LMX1A: variants seen among roughly 807,000 people sequenced by gnomAD.
The protein encoded by LMX1A is LIM homeobox transcription factor 1-alpha.
A neutral mutation model predicts 49.1 loss-of-function variants in LMX1A; 15 were observed. The ratio of observed to expected loss-of-function variants is 0.31; its 90% CI spans 0.20 to 0.47. The LOEUF is 0.47. Ranked by LOEUF, LMX1A falls within the 20% of genes least tolerant of loss-of-function variation. The pLI is 1.00. For synonymous variants in LMX1A, 167 were observed against 185.7 expected, an observed-to-expected ratio of 0.90 and a Z score of 0.82; for missense variants, 372 against 475.8, an observed-to-expected ratio of 0.78 and a Z score of 2.03.
At chr1:165,308,709 C>T (rs1654989172) in intron 3 of LMX1A, among the ~76,000 whole-genome samples, 1 of 152,172 alleles carries the variant, frequency 6.6e-6, no homozygotes, top group South Asian at 2.1e-4. Context: ...TGGCTTTTTA[C>T]TCCCTTGCAT....
At chr1:165,205,360 G>T (rs1651033444) in intron 8 of LMX1A, among the ~76,000 whole-genome samples, 2 of 152,184 alleles carry the variant, frequency 1.3e-5, no homozygotes, top group African/African-American at 4.8e-5. Context: ...GCTTCTTTGG[G>T]TGGGGTGGGT....
intron 8 of LMX1A, among the ~76,000 whole-genome samples, chr1:165,204,938 C>T (rs1449504234): frequency 6.6e-6 from 1 of 151,966 alleles, no homozygotes; most frequent in African/African-American, 2.4e-5. Context: ...AGGGCCAAAT[C>T]TTAATAAATG....
rs1653622259 is a variant in LMX1A, at chr1:165,266,520, T to C, written c.264-16880A>G. 2.6e-5 allele frequency among the ~76,000 whole-genome samples: 4 copies of C among 151,498 alleles called. 1 individual carries two copies. In the South Asian group the frequency reaches 8.3e-4, roughly 32 times the overall value. On this transcript the variant is annotated intron_variant, in intron 3 of 8. Coordinates refer to ENST00000342310, the MANE Select transcript of LMX1A (RefSeq NM_177398.4). ...TCACAGGGAGGAGTTCAACTTTTCC[T>C]CTGGAAACCAGGGGAGGGCATTTTG...
chr1:165,221,943 A>G (rs1651866451), intron 4 of LMX1A, among the ~76,000 whole-genome samples: 2 of 137,466 alleles, frequency 1.5e-5, no homozygotes, highest in Non-Finnish European at 3.2e-5. Context: ...ACACACACAC[A>G]CGCACACGCA....
At chr1:165,343,480 G>C (rs1656145551) in intron 3 of LMX1A, among the ~76,000 whole-genome samples, 1 of 151,912 alleles carries the variant, frequency 6.6e-6, no homozygotes, top group South Asian at 2.1e-4. Context: ...AGGCCTTTCA[G>C]GTTAATTATC....
chr1:165,214,822 TCTAA>T (rs1417191229), intron 4 of LMX1A, among the ~76,000 whole-genome samples: 15 of 152,352 alleles, frequency 9.8e-5, no homozygotes, highest in Non-Finnish European at 1.9e-4. Flanking sequence ...AAAGTAATTG[TCTAA>T]CTATTTGAAA....
intron 4 of LMX1A, among the ~76,000 whole-genome samples, chr1:165,233,862 T>C (rs914471969): frequency 6.6e-5 from 10 of 152,318 alleles, no homozygotes; most frequent in African/African-American, 1.7e-4. Context: ...TCACGAAGTA[T>C]TGAAGGCATA....
chr1:165,277,063 G>A (rs1386254694), intron 3 of LMX1A, among the ~76,000 whole-genome samples: 1 of 152,254 alleles, frequency 6.6e-6, no homozygotes, highest in East Asian at 1.9e-4. Flanking sequence ...GAAGCTACAT[G>A]CAGGGTGCAA....
chr1:165,315,327 C>T (rs536958389), intron 3 of LMX1A, among the ~76,000 whole-genome samples: 15 of 152,308 alleles, frequency 9.8e-5, no homozygotes, highest in South Asian at 4.1e-4. Flanking sequence ...TCCACACTAA[C>T]GAAAGAATAT....
chr1:165,353,287 G>A (rs1170202553), intron 2 of LMX1A, 25 bp from the exon 3 acceptor site: 2 of 1,600,470 alleles, frequency 1.2e-6, no homozygotes, highest in East Asian at 2.2e-5. Context: ...GACGTTGGCG[G>A]GTGAGCAGCC....
At chr1:165,233,616 C>T (rs544976984) in intron 4 of LMX1A, among the ~76,000 whole-genome samples, 32 of 152,318 alleles carry the variant, frequency 2.1e-4, no homozygotes, top group African/African-American at 7.5e-4. Flanking sequence ...TCAGCATGCC[C>T]CACCCGAATT....
In LMX1A at chr1:165,355,012, C is replaced by G. The variant is rs2101777333; in HGVS notation, c.76+472G>C. 6.6e-6 allele frequency among the ~76,000 whole-genome samples: 1 copy of G among 152,142 alleles called. No homozygotes were observed. The highest frequency in any genetic ancestry group is 2.4e-5 in the African/African-American group (1 of 41,538). On this transcript the variant is annotated intron_variant, in intron 2 of 8. Coordinates refer to ENST00000342310, the MANE Select transcript of LMX1A (RefSeq NM_177398.4). The surrounding 1 kb of genome is among the most constrained non-coding windows in gnomAD (Gnocchi z 4.7). ...TCCCCGCGCTGCGTTGCCTACTGGCCCAGAAAAGTCTCTCTCGGCCTTGCC... is the reference window on the plus strand; with the variant it reads ...TCCCCGCGCTGCGTTGCCTACTGGCGCAGAAAAGTCTCTCTCGGCCTTGCC...
chr1:165,287,763 T>TA (rs951028157), intron 3 of LMX1A, among the ~76,000 whole-genome samples: 231 of 151,382 alleles, frequency 1.5e-3, no homozygotes, highest in African/African-American at 5.0e-3. Context: ...TTGGCTTTGC[T>TA]AAAAAAAAAT....
intron 3 of LMX1A, among the ~76,000 whole-genome samples, chr1:165,295,251 T>C (rs1654581488): frequency 6.6e-6 from 1 of 150,856 alleles, no homozygotes; most frequent in Non-Finnish European, 1.5e-5. Context: ...CACTAAAATA[T>C]ATAGGCAGAA....
chr1:165,206,131 T>A (rs993516870), intron 7 of LMX1A, 97 bp from the exon 8 acceptor site: 1 of 1,186,290 alleles, frequency 8.4e-7, no homozygotes, highest in Non-Finnish European at 1.2e-6. Context: ...TAAAATGGGA[T>A]GAGGTGACAT....
rs912448482 is a variant in LMX1A at position 165,355,360 on chromosome 1, A to G, written c.76+124T>C. The G allele has an allele frequency of 8.2e-6, 7 of 854,480 alleles. No individual in the cohort carries two copies. In the African/African-American group the frequency reaches 1.2e-4, roughly 14 times the overall value. 52.9% of individuals were successfully genotyped at this position (854,480 alleles called of 1,614,324 possible). A position where few individuals can be genotyped will look rare whatever the true frequency, so the allele number is the denominator to read the frequency against. ...TGACGGACAGATAGTGATGGGGCTCAATTTAGTGTATGAAGAGGGGCGCTA... is the reference window on the plus strand; with the variant it reads ...TGACGGACAGATAGTGATGGGGCTCGATTTAGTGTATGAAGAGGGGCGCTA... On this transcript the variant is annotated intron_variant, in intron 2 of 8. Transcript: ENST00000342310. This position sits in a 1 kb window ranked among gnomAD's most constrained non-coding sequence, Gnocchi z 4.7.
chr1:165,341,000 A>G (rs191106278), intron 3 of LMX1A, among the ~76,000 whole-genome samples: 1 of 152,216 alleles, frequency 6.6e-6, no homozygotes, highest in Non-Finnish European at 1.5e-5. Flanking sequence ...TATAGCAACA[A>G]CTATCTAAGT....
At chr1:165,232,719 G>A (rs2102622055) in intron 4 of LMX1A, among the ~76,000 whole-genome samples, 1 of 152,276 alleles carries the variant, frequency 6.6e-6, no homozygotes, top group East Asian at 1.9e-4. Flanking sequence ...ACCCCCTTTG[G>A]CACATTCCAC....
At chr1:165,302,647 C>T (rs942213808) in intron 3 of LMX1A, among the ~76,000 whole-genome samples, 1 of 152,184 alleles carries the variant, frequency 6.6e-6, no homozygotes, top group Non-Finnish European at 1.5e-5. Context: ...TAAACAATCA[C>T]TTTTACTTCA....
Sources: gnomAD v4.1 joint callset for allele counts (sites outside exome capture counted in the v4.1 genomes callset) on GRCh38, gnomAD v4.1.1 for gene constraint, Gnocchi (gnomAD v3.1) non-coding constraint, MANE v1.5 for transcripts, NCBI Gene and HGNC (gene_info 2026-07-23, HGNC 2026-07-21) for gene names.